The following DCTD variants were observed in gnomAD, a reference collection of about 807,000 sequenced individuals.
DCTD encodes deoxycytidylate deaminase.
Under a neutral mutation model 21.0 loss-of-function variants are expected in DCTD, and 23 were observed. The ratio of observed to expected loss-of-function variants is 1.09; its 90% confidence interval spans 0.79 to 1.55. The LOEUF is 1.55. DCTD is among the 40% of genes most tolerant of loss of function. The probability of loss-of-function intolerance (pLI) is 0.00; values close to 1 mark genes in which losing one functional copy is unlikely to be tolerated. For synonymous variants in DCTD, 71 were observed against 81.1 expected, an observed-to-expected ratio of 0.88 and a Z score of 0.67; for missense variants, 224 against 230.0, an observed-to-expected ratio of 0.97 and a Z score of 0.17.
chr4:182,915,108 C>T, intron 2 of DCTD, 50 bp from the exon 3 acceptor site: 1 of 1,612,548 alleles, frequency 6.2e-7, no homozygotes, highest in South Asian at 1.1e-5. Context: ...GGCTGGTCTG[C>T]CGCTGTGGAA....
At chr4:182,892,133 T>C (rs75774491) in intron 5 of DCTD, among the ~76,000 whole-genome samples, 87 of 152,256 alleles carry the variant, frequency 5.7e-4, no homozygotes, top group African/African-American at 2.0e-3. Context: ...GTTCATGAGA[T>C]ACACTGAGCT....
intron 3 of DCTD, among the ~76,000 whole-genome samples, chr4:182,895,130 G>A (rs768172699): frequency 4.6e-5 from 7 of 152,184 alleles, no homozygotes; most frequent in African/African-American, 9.7e-5. Flanking sequence ...AGAGTGCAGC[G>A]GCATGATCAT....
intron 3 of DCTD, among the ~76,000 whole-genome samples, chr4:182,903,656 T>C (rs973133697): frequency 6.6e-6 from 1 of 151,996 alleles, no homozygotes; most frequent in Non-Finnish European, 1.5e-5. Flanking sequence ...CTGCAGGCTC[T>C]GAGGGAAGCC....
chr4:182,910,491 A>C (rs1737487213), intron 3 of DCTD, among the ~76,000 whole-genome samples: 1 of 152,194 alleles, frequency 6.6e-6, no homozygotes, highest in Non-Finnish European at 1.5e-5. Context: ...AGGAATGAAA[A>C]ATGTCAACTG....
chr4:182,894,668 G>T, intron 3 of DCTD, 63 bp from the exon 4 acceptor site: 1 of 963,566 alleles, frequency 1.0e-6, no homozygotes, highest in Non-Finnish European at 1.7e-6. Context: ...TTTACTAAGT[G>T]TTAACACATT....
chr4:182,908,036 T>TA (rs35563105), intron 3 of DCTD, among the ~76,000 whole-genome samples: 9,212 of 143,390 alleles, frequency 0.064, 326 homozygotes, highest in South Asian at 0.11. Flanking sequence ...CTATCCAGAT[T>TA]AAAAAAAAAA....
chr4:182,907,177 C>G (rs1042050305), intron 3 of DCTD, among the ~76,000 whole-genome samples: 5 of 152,186 alleles, frequency 3.3e-5, no homozygotes, highest in African/African-American at 1.2e-4. Context: ...ATTCTGTCGT[C>G]TGGGATGGAG....
At chr4:182,915,721 G>A in intron 1 of DCTD, 146 bp from the exon 2 acceptor site, 1 of 740,630 alleles carries the variant, frequency 1.4e-6, no homozygotes, top group Non-Finnish European at 2.2e-6. Flanking sequence ...ACAGCACATG[G>A]GCCCTAAACA....
intron 3 of DCTD, among the ~76,000 whole-genome samples, chr4:182,900,741 C>T (rs778234585): frequency 2.0e-5 from 3 of 152,096 alleles, no homozygotes; most frequent in Non-Finnish European, 2.9e-5. Flanking sequence ...TTATTCCCAA[C>T]CTTGTTTAAA....
chr4:182,917,519 G>C (rs1049054073), upstream of DCTD: 8 of 281,760 alleles, frequency 2.8e-5, no homozygotes, highest in Non-Finnish European at 4.5e-5. This position sits in a 1 kb window ranked among gnomAD's most constrained non-coding sequence, Gnocchi z 4.9. Flanking sequence ...GTCGCACGCC[G>C]CAAAGGCGCT....
intron 1 of DCTD, chr4:182,916,786 T>C (rs897315285): frequency 3.2e-5 from 36 of 1,127,406 alleles, no homozygotes; most frequent in Non-Finnish European, 3.9e-5. Flanking sequence ...GGAAGGGTCC[T>C]GTTAATCCCC....
chr4:182,898,776 G>A (rs1425080042), intron 3 of DCTD, among the ~76,000 whole-genome samples: 2 of 151,992 alleles, frequency 1.3e-5, no homozygotes, highest in Admixed American at 6.6e-5. Flanking sequence ...ATCTACAATT[G>A]TTACTATAAT....
chr4:182,896,147 A>G (rs1277911661), intron 3 of DCTD, among the ~76,000 whole-genome samples: 4 of 152,128 alleles, frequency 2.6e-5, no homozygotes, highest in African/African-American at 9.7e-5. Context: ...GCCTAAACTT[A>G]TGGCGCTCAT....
intron 1 of DCTD, chr4:182,915,843 AT>A: frequency 2.5e-6 from 3 of 1,179,742 alleles, no homozygotes; most frequent in Non-Finnish European, 3.2e-6. Flanking sequence ...TTCTCATAGG[AT>A]TTTTTATGCC....
chr4:182,890,104 T>C lies in DCTD; in HGVS notation c.*1295A>G, dbSNP rs1456384522. 6.6e-6 allele frequency: 1 copy of C among 152,156 alleles called. No individual in the cohort carries two copies. The highest frequency in any genetic ancestry group is 2.4e-5 in the African/African-American group (1 of 41,432). The allele number at this position is 152,156 out of a possible 1,614,324, so 9.4% of individuals were successfully genotyped here. A position where few individuals can be genotyped will look rare whatever the true frequency, so the allele number is the denominator to read the frequency against. The stretch of plus-strand genomic sequence containing the variant: ...TAAAAATGTACATGCTTTGGTAGGG[T>C]AGATTTTAATAAGATTTTAATAATA... On this transcript the variant is annotated 3_prime_UTR_variant, in exon 6 of 6. Coordinates refer to ENST00000438320, the MANE Select transcript of DCTD (RefSeq NM_001921.3).
At chr4:182,894,738 G>A (rs1057308534) in intron 3 of DCTD, 133 bp from the exon 4 acceptor site, 16 of 692,116 alleles carry the variant, frequency 2.3e-5, no homozygotes, top group Non-Finnish European at 3.9e-5. Context: ...ATTAGAAATG[G>A]CAAGTCCTAA....
At position 182,915,494 on chromosome 4, in the gene DCTD, TAAG is replaced by T. The variant is rs1389244986; in HGVS notation, c.72_74del (p.Phe24del). 10 of 1,613,422 alleles carry T rather than the reference TAAG, an allele frequency of 6.2e-6. No homozygotes were observed. The highest frequency in any genetic ancestry group is 8.5e-6 in the Non-Finnish European group (10 of 1,179,292). ...TTGGATCTTTGCTTCTCTGTGCTGA[TAAG>T]AAGGCCACAGCCATAAAATACTCTG... On this transcript the variant is annotated inframe_deletion, in exon 2 of 6. Coordinates refer to ENST00000438320, the MANE Select transcript of DCTD (RefSeq NM_001921.3).
At chr4:182,892,232 G>A (rs576068262) in intron 5 of DCTD, among the ~76,000 whole-genome samples, 43 of 152,076 alleles carry the variant, frequency 2.8e-4, no homozygotes, top group Non-Finnish European at 3.4e-4. Flanking sequence ...ATGAAGCGCT[G>A]GAAAACTTTA....
intron 3 of DCTD, among the ~76,000 whole-genome samples, chr4:182,913,924 C>A (rs1738187396): frequency 6.6e-6 from 1 of 152,216 alleles, no homozygotes; most frequent in Non-Finnish European, 1.5e-5. Flanking sequence ...AGGGGAAAAT[C>A]CAGAGACAGT....
Sources: allele counts gnomAD v4.1 joint callset (sites outside exome capture counted in the v4.1 genomes callset), GRCh38; gene constraint gnomAD v4.1.1; non-coding constraint Gnocchi (gnomAD v3.1); transcripts MANE v1.5; gene names NCBI Gene and HGNC (gene_info 2026-07-23, HGNC 2026-07-21).